Variants in RIPK4 observed in about 807,000 individuals in gnomAD.
RIPK4 encodes receptor-interacting serine/threonine-protein kinase 4.
Under a neutral mutation model 42.9 loss-of-function variants are expected in RIPK4, and 17 were observed. The observed-to-expected ratio is 0.40, with a 90% confidence interval of 0.27 to 0.59. RIPK4 has a LOEUF of 0.59. Among genes scored for constraint, RIPK4 ranks in the 20% least tolerant of loss-of-function variants. The pLI is 0.47. For synonymous variants in RIPK4, 498 were observed against 499.1 expected (o/e 1.00, Z 0.03); for missense variants, 897 against 1,104.4 (o/e 0.81, Z 2.66).
In RIPK4 at chr21:41,741,075, C is replaced by G; in HGVS notation, c.2118G>C (p.Ala706=). Residue 706 remains alanine, a synonymous_variant, in exon 8 of 8, where the codon GCG becomes GCC. Transcript: ENST00000332512. ...GCCCGTGGGCGGCAGCCAGGTGCAGCGCCGTCTGGTTCAGGGGTCCCCGGG... is the reference window on the plus strand; with the variant it reads ...GCCCGTGGGCGGCAGCCAGGTGCAGGGCCGTCTGGTTCAGGGGTCCCCGGG... ...VLARGPLNQT[A]LHLAAAHGHS... 1 of 1,611,308 alleles carries G rather than the reference C, an allele frequency of 6.2e-7. No individual in the cohort carries two copies. Among genetic ancestry groups the G allele is most frequent in the Non-Finnish European group, 8.5e-7 (1 of 1,179,696 alleles).
intron 1 of RIPK4, among the ~76,000 whole-genome samples, chr21:41,760,766 G>A (rs1410944528): frequency 1.3e-5 from 2 of 152,154 alleles, no homozygotes; most frequent in African/African-American, 4.8e-5. Context: ...GGGGGGTGTG[G>A]GGGGTGGGCA....
chr21:41,756,686 C>T lies in RIPK4; in HGVS notation c.313G>A (p.Glu105Lys). Residue 105 changes from glutamate (E) to lysine (K), a missense_variant, in exon 2 of 8, where the codon GAA (glutamate) becomes AAA (lysine). By Grantham distance (56) the Glu-to-Lys change is moderately conservative. Transcript: ENST00000332512. ...VMEYMETGSL[E>K]KLLASEPLPW... The stretch of plus-strand genomic sequence containing the variant: ...AATGGCTCCGAAGCCAGCAGCTTTT[C>T]CAGGGAGCCCGTCTCCATGTACTCC... 6.2e-7 allele frequency: 1 copy of T among 1,614,194 alleles called. No individual in the cohort carries two copies. Among genetic ancestry groups the T allele is most frequent in the Non-Finnish European group, 8.5e-7 (1 of 1,180,036 alleles).
At position 41,754,291 on chromosome 21, in the gene RIPK4, G is replaced by A. The variant is rs146275318; in HGVS notation, c.474+2234C>T. On this transcript the variant is annotated intron_variant, in intron 2 of 7. Coordinates refer to ENST00000332512, the MANE Select transcript of RIPK4 (RefSeq NM_020639.3). ...TCCCTGCTGCACTCTACGCACACCAGTAGCTATTTCACAGAAAAAATAAGT... is the reference window on the plus strand; with the variant it reads ...TCCCTGCTGCACTCTACGCACACCAATAGCTATTTCACAGAAAAAATAAGT... Among the ~76,000 whole-genome samples the A allele has an allele frequency of 3.9e-5, 6 of 152,292 alleles. No individual in the cohort carries two copies. In the East Asian group the frequency reaches 1.2e-3, roughly 29 times the overall value.
chr21:41,742,257 G>A lies in RIPK4; in HGVS notation c.1196-260C>T, dbSNP rs1283836148. On this transcript the variant is annotated intron_variant, in intron 7 of 7. Coordinates refer to ENST00000332512, the MANE Select transcript of RIPK4 (RefSeq NM_020639.3). The surrounding 1 kb of genome is among the most constrained non-coding windows in gnomAD (Gnocchi z 5.1). ...ATAAAACCCGCTCTCCCTGTCCTGC[G>A]GGGTGGTGAGCCCCCTTGGTGCTTA... Among the ~76,000 whole-genome samples, 5 of 152,224 alleles carry A rather than the reference G, an allele frequency of 3.3e-5. No individual in the cohort carries two copies. The highest frequency in any genetic ancestry group is 5.9e-5 in the Non-Finnish European group (4 of 68,044).
At chr21:41,765,077 G>A (rs2061232037) in intron 1 of RIPK4, among the ~76,000 whole-genome samples, 1 of 152,250 alleles carries the variant, frequency 6.6e-6, no homozygotes, top group Admixed American at 6.5e-5. Context: ...TAAGGGACTG[G>A]TCGCTAGAAA....
rs767516933 is a variant in RIPK4 at position 41,741,401 on chromosome 21, TCA to T, written c.1790_1791del (p.Val597GlufsTer132). On this transcript the variant is annotated frameshift_variant, in exon 8 of 8. Transcript: ENST00000332512. LOFTEE classifies it low-confidence loss of function (END_TRUNC). ...KLLAKQPGVS[V>X]NAQTLDGRTP... ...GTCCTCCCATCCAGCGTCTGGGCGTTCACACTCACCCCCGGCTGCTTGGCCAG... is the reference window on the plus strand; with the variant it reads ...GTCCTCCCATCCAGCGTCTGGGCGTTCACTCACCCCCGGCTGCTTGGCCAG... 10 of 1,612,752 alleles carry T rather than the reference TCA, an allele frequency of 6.2e-6. No homozygotes were observed. Among genetic ancestry groups the T allele is most frequent in the Non-Finnish European group, 8.5e-6 (10 of 1,179,920 alleles).
chr21:41,756,108 C>T (rs1465258518), intron 2 of RIPK4, among the ~76,000 whole-genome samples: 1 of 152,174 alleles, frequency 6.6e-6, no homozygotes, highest in African/African-American at 2.4e-5. Context: ...ATTCCCACCA[C>T]CCCGAGCTCC....
chr21:41,764,637 C>T (rs988131190), intron 1 of RIPK4, among the ~76,000 whole-genome samples: 1 of 152,210 alleles, frequency 6.6e-6, no homozygotes, highest in African/African-American at 2.4e-5. Context: ...GCAAGTGGCA[C>T]AGCGACTACT....
Position 41,751,017 on chromosome 21 carries a change from A to C in RIPK4, c.623+80T>G. 1 of 1,521,386 alleles carries C rather than the reference A, an allele frequency of 6.6e-7. No individual in the cohort carries two copies. Among genetic ancestry groups the C allele is most frequent in the Non-Finnish European group, 8.9e-7 (1 of 1,129,466 alleles). 94.2% of individuals were successfully genotyped at this position (1,521,386 alleles called of 1,614,324 possible). ...GACTGGCAGCAAGAGGCCTTTCTGA[A>C]AGCTGCAGCTCAGGGCATGAAGCAT... On this transcript the variant is annotated intron_variant, in intron 3 of 7. Transcript: ENST00000332512. This position sits in a 1 kb window ranked among gnomAD's most constrained non-coding sequence, Gnocchi z 4.5.
chr21:41,749,889 TAAA>T (rs776305508), intron 3 of RIPK4, among the ~76,000 whole-genome samples: 1 of 99,390 alleles, frequency 1.0e-5, no homozygotes, highest in African/African-American at 3.6e-5. Context: ...CCAAATTGAT[TAAA>T]AAAAAAAAAA....
chr21:41,741,746 C>T lies in RIPK4; in HGVS notation c.1447G>A (p.Val483Met). ...AGCAGGAGCTCCACGACACCCCGCA[C>T]CCTCCTCTCCACGGCCATGTGCAAC... ...TPLHMAVERR[V>M]RGVVELLLAR... The change falls in exon 8 of 8, where the codon GTG becomes ATG. Residue 483 changes from valine (V) to methionine (M), a missense_variant. Coordinates refer to ENST00000332512, the MANE Select transcript of RIPK4 (RefSeq NM_020639.3). 5 of 1,612,358 alleles carry T rather than the reference C, an allele frequency of 3.1e-6. No individual in the cohort carries two copies. Among genetic ancestry groups the T allele is most frequent in the East Asian group, 2.2e-5 (1 of 44,870 alleles).
At chr21:41,756,451 AC>A in intron 2 of RIPK4, 73 bp downstream of exon 2, 1 of 1,534,798 alleles carries the variant, frequency 6.5e-7, no homozygotes, top group Non-Finnish European at 8.8e-7. Context: ...TCAGGGCTTG[AC>A]CCCTTGATAC....
chr21:41,761,871 C>T (rs769324734), intron 1 of RIPK4, among the ~76,000 whole-genome samples: 19 of 152,264 alleles, frequency 1.2e-4, no homozygotes, highest in South Asian at 4.1e-4. Flanking sequence ...AGCTCATTGG[C>T]GACTCTAACA....
At chr21:41,759,769 G>C (rs1036260740) in intron 1 of RIPK4, among the ~76,000 whole-genome samples, 1 of 152,326 alleles carries the variant, frequency 6.6e-6, no homozygotes, top group South Asian at 2.1e-4. Context: ...CCGCCCCTGC[G>C]AGAGTTCAGC....
chr21:41,749,646 C>T (rs2061182419), intron 3 of RIPK4, among the ~76,000 whole-genome samples: 2 of 152,142 alleles, frequency 1.3e-5, no homozygotes, highest in South Asian at 2.1e-4. Context: ...TCTGAAAACA[C>T]GGATTCTGGT....
intron 2 of RIPK4, among the ~76,000 whole-genome samples, chr21:41,754,868 G>A (rs1437182560): frequency 1.3e-5 from 2 of 152,184 alleles, no homozygotes; most frequent in South Asian, 2.1e-4. Context: ...CAAGGTCTCT[G>A]CTCCGTGACT....
At position 41,761,501 on chromosome 21, in the gene RIPK4, G is replaced by A. The variant is rs3787957; in HGVS notation, c.183-4685C>T. On this transcript the variant is annotated intron_variant, in intron 1 of 7. Coordinates refer to ENST00000332512, the MANE Select transcript of RIPK4 (RefSeq NM_020639.3). ...CCTACCAGTGTGGCCTCCCTCCTCC[G>A]GACACTCTGCCCCGGGGCGCTGGCG... Among the ~76,000 whole-genome samples the A allele has an allele frequency of 2.3e-3, 348 of 152,082 alleles. 3 individuals carry two copies. The East Asian group carries it at 0.041, about 18-fold the overall frequency.
intron 1 of RIPK4, 130 bp from the exon 2 acceptor site, chr21:41,756,946 C>A: frequency 2.3e-6 from 2 of 887,540 alleles, no homozygotes; most frequent in Non-Finnish European, 3.4e-6. Flanking sequence ...ACATGGGGCA[C>A]ACTTCAATGT....
At chr21:41,749,118 A>G (rs1415386795) in intron 4 of RIPK4, 36 bp downstream of exon 4, 3 of 1,610,158 alleles carry the variant, frequency 1.9e-6, no homozygotes, top group Admixed American at 1.7e-5. Context: ...TCCAGGAAAG[A>G]CAAGCACATT....
Sources: gnomAD v4.1 joint callset for allele counts (sites outside exome capture counted in the v4.1 genomes callset) on GRCh38, gnomAD v4.1.1 for gene constraint, Gnocchi (gnomAD v3.1) non-coding constraint, MANE v1.5 for transcripts, NCBI Gene and HGNC (gene_info 2026-07-23, HGNC 2026-07-21) for gene names.